Variants in LARGE1 observed in about 807,000 individuals in gnomAD.
LARGE1 encodes the protein xylosyl- and glucuronyltransferase LARGE1.
Under a neutral mutation model 87.6 loss-of-function variants are expected in LARGE1, and 43 were observed. The observed-to-expected ratio is 0.49, with a 90% CI of 0.38 to 0.63. LARGE1 has a LOEUF of 0.63. Among genes scored for constraint, LARGE1 ranks in the 30% least tolerant of loss-of-function variants. The pLI, the probability that LARGE1 is intolerant of heterozygous loss-of-function variation, is 0.00. For missense variants in LARGE1, 802 were observed against 1,000.2 expected (o/e 0.80, Z 2.67); for synonymous variants, 434 against 394.6 (o/e 1.10, Z -1.18).
chr22:33,867,341 T>C (rs2064135592), intron 1 of LARGE1, among the ~76,000 whole-genome samples: 1 of 152,194 alleles, frequency 6.6e-6, no homozygotes, highest in Non-Finnish European at 1.5e-5. Flanking sequence ...CCTTCTGTTC[T>C]GGACTCTGCT....
intron 6 of LARGE1, among the ~76,000 whole-genome samples, chr22:33,495,088 A>C (rs2070039313): frequency 6.6e-6 from 1 of 151,010 alleles, no homozygotes. Context: ...ACTGCCTAAC[A>C]CTCTCTTCCC....
intron 2 of LARGE1, among the ~76,000 whole-genome samples, chr22:33,679,572 G>C (rs1260176239): frequency 6.6e-6 from 1 of 152,112 alleles, no homozygotes; most frequent in Non-Finnish European, 1.5e-5. Flanking sequence ...GCCAGGTACG[G>C]TGGTTCACAC....
intron 5 of LARGE1, among the ~76,000 whole-genome samples, chr22:33,603,261 A>C (rs186026726): frequency 5.6e-4 from 85 of 152,308 alleles, no homozygotes; most frequent in African/African-American, 1.9e-3. Context: ...TGAGGTTTGG[A>C]ACAAGCAATT....
At chr22:33,120,251 A>T in the LARGE1 span, among the ~76,000 whole-genome samples, 3 of 151,892 alleles carry the variant, frequency 2.0e-5, no homozygotes, top group Admixed American at 2.0e-4. Context: ...CTGCTTTTTG[A>T]GTGGAAATCT....
In LARGE1 at chr22:33,819,205, G is replaced by A. The variant is rs572162147; in HGVS notation, c.-82-57647C>T. ...GGATCCAAAAGTATGGATCACAACAGCCAACTTTTGTCAGTCCCATCATCA... is the reference window on the plus strand; with the variant it reads ...GGATCCAAAAGTATGGATCACAACAACCAACTTTTGTCAGTCCCATCATCA... On this transcript the variant is annotated intron_variant, in intron 1 of 14. Coordinates refer to ENST00000397394, the MANE Select transcript of LARGE1 (RefSeq NM_133642.5). 1.2e-4 allele frequency among the ~76,000 whole-genome samples: 19 copies of A among 152,268 alleles called. No individual in the cohort carries two copies. The East Asian group carries it at 3.1e-3, about 25-fold the overall frequency.
chr22:33,748,131 G>GTTTTT (rs1470881901), intron 2 of LARGE1, among the ~76,000 whole-genome samples: 1 of 130,362 alleles, frequency 7.7e-6, no homozygotes, highest in Non-Finnish European at 1.5e-5. Flanking sequence ...ATCAATGCAG[G>GTTTTT]TTTGTTTTTT....
intron 10 of LARGE1, among the ~76,000 whole-genome samples, chr22:33,329,422 TG>T (rs1937508885): frequency 6.8e-6 from 1 of 147,828 alleles, no homozygotes. Context: ...AATACCTTTG[TG>T]GGTTTTTTTT....
At chr22:33,362,748 A>G (rs2064433102) in intron 9 of LARGE1, among the ~76,000 whole-genome samples, 1 of 150,236 alleles carries the variant, frequency 6.7e-6, no homozygotes. Context: ...AGGCAAACTA[A>G]ACGCTTTGCA....
intron 1 of LARGE1, among the ~76,000 whole-genome samples, chr22:33,846,155 CTG>C (rs1369925435): frequency 1.3e-5 from 2 of 152,204 alleles, no homozygotes; most frequent in Admixed American, 1.3e-4. Context: ...GATCCAAGTT[CTG>C]TTGCGGGAAG....
intron 12 of LARGE1, among the ~76,000 whole-genome samples, chr22:33,300,112 G>A (rs968456166): frequency 2.0e-5 from 3 of 152,142 alleles, no homozygotes; most frequent in Admixed American, 1.3e-4. Context: ...GCTGCCAGTC[G>A]GCCTGCTCTG....
intron 6 of LARGE1, among the ~76,000 whole-genome samples, chr22:33,489,937 G>C (rs2069755958): frequency 6.6e-6 from 1 of 152,110 alleles, no homozygotes; most frequent in Non-Finnish European, 1.5e-5. Flanking sequence ...TCTCTAAAGA[G>C]GGTGCCTGTC....
intron 6 of LARGE1, among the ~76,000 whole-genome samples, chr22:33,547,915 C>T (rs1418740563): frequency 6.8e-6 from 1 of 147,096 alleles, no homozygotes; most frequent in Non-Finnish European, 1.5e-5. Context: ...CATAATTTTT[C>T]TGTAATCTAA....
intron 11 of LARGE1, among the ~76,000 whole-genome samples, chr22:33,232,830 A>C (rs1926074866): frequency 6.6e-6 from 1 of 152,190 alleles, no homozygotes; most frequent in African/African-American, 2.4e-5. Context: ...TTATGGACTC[A>C]TAAGTCCTTT....
intron 10 of LARGE1, among the ~76,000 whole-genome samples, chr22:33,325,050 T>C (rs960863582): frequency 6.6e-6 from 1 of 152,246 alleles, no homozygotes; most frequent in Non-Finnish European, 1.5e-5. Context: ...CTTAAGGTTA[T>C]ACAATGCGCG....
chr22:33,542,660 G>A (rs1489837368), intron 6 of LARGE1, among the ~76,000 whole-genome samples: 1 of 151,146 alleles, frequency 6.6e-6, no homozygotes, highest in East Asian at 1.9e-4. Flanking sequence ...GACAAGAGAG[G>A]TACCAAAGAT....
At chr22:33,805,756 T>A (rs1182097728) in intron 1 of LARGE1, among the ~76,000 whole-genome samples, 1 of 87,540 alleles carries the variant, frequency 1.1e-5, no homozygotes, top group Non-Finnish European at 2.7e-5. Flanking sequence ...AATAAGTAAA[T>A]AAATGAATAA....
intron 2 of LARGE1, among the ~76,000 whole-genome samples, chr22:33,684,620 A>G (rs551036000): frequency 3.2e-4 from 48 of 152,332 alleles, no homozygotes; most frequent in African/African-American, 1.1e-3. Flanking sequence ...GCTCAGGAGA[A>G]GCTACTGTGT....
At chr22:33,522,859 T>C (rs1174057721) in intron 6 of LARGE1, among the ~76,000 whole-genome samples, 1 of 150,854 alleles carries the variant, frequency 6.6e-6, no homozygotes, top group Admixed American at 6.6e-5. Context: ...GAAACAAAAA[T>C]TAGCCAGGCA....
At chr22:33,777,193 C>A (rs1037702516) in intron 1 of LARGE1, among the ~76,000 whole-genome samples, 1 of 152,044 alleles carries the variant, frequency 6.6e-6, no homozygotes, top group African/African-American at 2.4e-5. Context: ...GGCAACCAAC[C>A]GCTCCTTCCA....
Sources: allele counts gnomAD v4.1 joint callset (sites outside exome capture counted in the v4.1 genomes callset), GRCh38; gene constraint gnomAD v4.1.1; transcripts MANE v1.5; gene names NCBI Gene and HGNC (gene_info 2026-07-23, HGNC 2026-07-21).